CTNND2: variants seen among roughly 807,000 people sequenced by gnomAD.
CTNND2 encodes catenin delta 2.
CTNND2 carries 22 observed loss-of-function variants against 144.4 expected under a neutral mutation model. That is an observed-to-expected ratio of 0.15 (90% CI 0.11 to 0.22). The LOEUF (loss-of-function observed/expected upper bound fraction) is 0.22, where lower values mean the gene tolerates loss of function less well. Ranked by LOEUF, CTNND2 falls within the 10% of genes least tolerant of loss-of-function variation. CTNND2 has a pLI of 1.00. For missense variants in CTNND2, 1,353 were observed against 1,618.8 expected, an observed-to-expected ratio of 0.84 and a Z score of 2.82; for synonymous variants, 751 against 695.6, an observed-to-expected ratio of 1.08 and a Z score of -1.25.
intron 3 of CTNND2, among the ~76,000 whole-genome samples, chr5:11,459,068 C>T (rs1002434826): frequency 6.6e-6 from 1 of 152,040 alleles, no homozygotes. Context: ...CCATGCCTGG[C>T]CCTTAAGGAC....
At chr5:11,183,406 GGC>G (rs973183846) in intron 11 of CTNND2, among the ~76,000 whole-genome samples, 3 of 152,178 alleles carry the variant, frequency 2.0e-5, no homozygotes, top group Non-Finnish European at 2.9e-5. Flanking sequence ...GCACGTGATT[GGC>G]TGTGCATAAG....
intron 2 of CTNND2, among the ~76,000 whole-genome samples, chr5:11,724,132 G>A (rs572664901): frequency 3.3e-5 from 5 of 151,992 alleles, no homozygotes; most frequent in South Asian, 4.2e-4. Context: ...TTACTGAAAC[G>A]GTTCATTTAT....
intron 9 of CTNND2, among the ~76,000 whole-genome samples, chr5:11,258,042 G>A (rs970652048): frequency 9.2e-5 from 14 of 152,158 alleles, no homozygotes; most frequent in African/African-American, 2.7e-4. Context: ...CTGATCTGGT[G>A]TCTCAGTCAA....
intron 14 of CTNND2, among the ~76,000 whole-genome samples, chr5:11,108,654 T>A (rs1276898460): frequency 2.0e-5 from 3 of 152,200 alleles, no homozygotes; most frequent in African/African-American, 7.2e-5. Context: ...TAAATTGATT[T>A]ATAAGCTAAA....
intron 12 of CTNND2, among the ~76,000 whole-genome samples, chr5:11,136,325 G>A (rs1311242609): frequency 1.3e-5 from 2 of 152,020 alleles, no homozygotes; most frequent in African/African-American, 4.8e-5. Context: ...TAGAGGTCAT[G>A]AATTAAATTA....
At chr5:11,119,207 TA>T (rs1753841907) in intron 12 of CTNND2, among the ~76,000 whole-genome samples, 1 of 152,162 alleles carries the variant, frequency 6.6e-6, no homozygotes, top group African/African-American at 2.4e-5. Flanking sequence ...TTTTAAGAAT[TA>T]AAATAAAATA....
chr5:11,386,856 G>C (rs1759135722), intron 6 of CTNND2, among the ~76,000 whole-genome samples: 1 of 152,134 alleles, frequency 6.6e-6, no homozygotes, highest in African/African-American at 2.4e-5. Context: ...TATATGTGGA[G>C]GATGGGTAAC....
At chr5:11,896,092 T>A (rs970807786) in intron 1 of CTNND2, among the ~76,000 whole-genome samples, 1 of 152,036 alleles carries the variant, frequency 6.6e-6, no homozygotes, top group Non-Finnish European at 1.5e-5. Flanking sequence ...TAATCTAGAG[T>A]AAATAACCTG....
At chr5:11,503,312 A>G (rs974676064) in intron 3 of CTNND2, among the ~76,000 whole-genome samples, 4 of 152,232 alleles carry the variant, frequency 2.6e-5, no homozygotes, top group African/African-American at 9.6e-5. Flanking sequence ...GTTTCTTTTC[A>G]TATACTGCTC....
chr5:11,157,354 C>T (rs1465819483), intron 12 of CTNND2, among the ~76,000 whole-genome samples: 1 of 152,206 alleles, frequency 6.6e-6, no homozygotes, highest in East Asian at 1.9e-4. Context: ...TCTCACCTGA[C>T]TCTTCAAGCC....
intron 9 of CTNND2, among the ~76,000 whole-genome samples, chr5:11,296,490 C>A (rs1451862114): frequency 6.6e-6 from 1 of 152,158 alleles, no homozygotes; most frequent in Non-Finnish European, 1.5e-5. Context: ...TGGGTATATA[C>A]CCAAAAGATT....
In CTNND2 at chr5:11,216,616, C is replaced by T. The variant is rs143926396; in HGVS notation, c.1762-16955G>A. On this transcript the variant is annotated intron_variant, in intron 10 of 21. Transcript: ENST00000304623. ...ACACTGGGATGTTAGCCCAGTGAGA[C>T]CAATTTTGCATTCTGAGCCCCAGAG... Among the ~76,000 whole-genome samples the T allele has an allele frequency of 2.0e-5, 3 of 152,310 alleles. No individual in the cohort carries two copies. The East Asian group carries it at 5.8e-4, about 29-fold the overall frequency.
At chr5:11,439,394 C>A (rs1436750718) in intron 3 of CTNND2, among the ~76,000 whole-genome samples, 1 of 152,100 alleles carries the variant, frequency 6.6e-6, no homozygotes, top group Non-Finnish European at 1.5e-5. Flanking sequence ...TTCTGGGATA[C>A]CCTCGTTAGT....
chr5:11,340,597 A>G (rs769288371), intron 9 of CTNND2, among the ~76,000 whole-genome samples: 1 of 152,260 alleles, frequency 6.6e-6, no homozygotes, highest in Non-Finnish European at 1.5e-5. Flanking sequence ...ATAGTATCAA[A>G]TAATGGAATC....
At chr5:11,347,359 T>C (rs1754908027) in intron 8 of CTNND2, among the ~76,000 whole-genome samples, 2 of 152,210 alleles carry the variant, frequency 1.3e-5, no homozygotes, top group African/African-American at 2.4e-5. Flanking sequence ...TCTGAAAGTA[T>C]TTGCATCTTC....
chr5:11,076,778 G>T (rs1366760762), intron 16 of CTNND2, among the ~76,000 whole-genome samples: 1 of 152,178 alleles, frequency 6.6e-6, no homozygotes, highest in Non-Finnish European at 1.5e-5. Context: ...CCTATTTAGA[G>T]TTTCCCCGAT....
At chr5:11,488,355 T>C (rs32608) in intron 3 of CTNND2, among the ~76,000 whole-genome samples, 73,066 of 151,920 alleles carry the variant, frequency 0.48, 17,967 homozygotes, top group Middle Eastern at 0.58. Context: ...TGTCATGTCA[T>C]ATCTCGCTAC....
chr5:11,472,726 A>G (rs981269563), intron 3 of CTNND2, among the ~76,000 whole-genome samples: 6 of 152,186 alleles, frequency 3.9e-5, no homozygotes, highest in African/African-American at 1.4e-4. Flanking sequence ...GTTAGAACTG[A>G]TATTGATTTT....
At chr5:11,076,156 T>C (rs1217005440) in intron 16 of CTNND2, among the ~76,000 whole-genome samples, 2 of 152,146 alleles carry the variant, frequency 1.3e-5, no homozygotes, top group Non-Finnish European at 2.9e-5. Flanking sequence ...AATTACACAA[T>C]GGAAATCTAA....
Sources: allele counts gnomAD v4.1 joint callset (sites outside exome capture counted in the v4.1 genomes callset), GRCh38; gene constraint gnomAD v4.1.1; transcripts MANE v1.5; gene names NCBI Gene and HGNC (gene_info 2026-07-23, HGNC 2026-07-21).